SCIMP: variants seen among roughly 807,000 people sequenced by gnomAD.
The protein encoded by SCIMP is SLP adaptor and CSK interacting membrane protein.
In SCIMP, 18 loss-of-function variants were observed where a neutral mutation model predicts 22.0. That is an observed-to-expected ratio of 0.82 (90% confidence interval 0.56 to 1.21). The LOEUF is 1.21. Ranked by LOEUF, SCIMP falls within the 50% of genes most tolerant of loss-of-function variation. The probability of loss-of-function intolerance (pLI) is 0.00; values close to 1 mark genes in which losing one functional copy is unlikely to be tolerated. For synonymous variants in SCIMP, 53 were observed against 62.2 expected, an observed-to-expected ratio of 0.85 and a Z score of 0.70; for missense variants, 155 against 171.2, an observed-to-expected ratio of 0.91 and a Z score of 0.53.
chr17:5,230,540 G>T (rs1243054658), intron 1 of SCIMP, among the ~76,000 whole-genome samples: 2 of 152,190 alleles, frequency 1.3e-5, no homozygotes, highest in Non-Finnish European at 2.9e-5. Context: ...TGGTGCAAAG[G>T]TGGGAGTGAA....
rs1272919870 is a variant in SCIMP, at chr17:5,214,881, T to A, written c.283+44A>T. On this transcript the variant is annotated intron_variant, in intron 4 of 4. Coordinates refer to ENST00000574081, the MANE Select transcript of SCIMP (RefSeq NM_207103.3). Reference sequence around the variant, plus strand: ...AAAAAAAGACACCTTGATAAACTCGTTATCTTACCCTAAATGAAACTGCTA... The same window carrying A: ...AAAAAAAGACACCTTGATAAACTCGATATCTTACCCTAAATGAAACTGCTA... 1.3e-5 allele frequency: 13 copies of A among 984,806 alleles called. No homozygotes were observed. The Admixed American group carries it at 2.7e-4, about 20-fold the overall frequency. 61.0% of individuals were successfully genotyped at this position (984,806 alleles called of 1,614,324 possible).
In SCIMP at chr17:5,209,245, C is replaced by T. The variant is rs1013485949; in HGVS notation, c.*1556G>A. 1.2e-4 allele frequency: 18 copies of T among 152,328 alleles called. No individual in the cohort carries two copies. Among genetic ancestry groups the T allele is most frequent in the African/African-American group, 4.3e-4 (18 of 41,452 alleles). The allele number at this position is 152,328 out of a possible 1,614,324, so 9.4% of individuals were successfully genotyped here. A position where few individuals can be genotyped will look rare whatever the true frequency, so the allele number is the denominator to read the frequency against. On this transcript the variant is annotated 3_prime_UTR_variant, in exon 5 of 5. Coordinates refer to ENST00000574081, the MANE Select transcript of SCIMP (RefSeq NM_207103.3). ...CGCCTCCCAGTTTCAAGCGATTCTTCTGCCTCAGCCTCCCAAGTAGCTGGG... is the reference window on the plus strand; with the variant it reads ...CGCCTCCCAGTTTCAAGCGATTCTTTTGCCTCAGCCTCCCAAGTAGCTGGG...
At chr17:5,233,248 G>A (rs2074716758) in intron 1 of SCIMP, among the ~76,000 whole-genome samples, 1 of 152,038 alleles carries the variant, frequency 6.6e-6, no homozygotes, top group African/African-American at 2.4e-5. Context: ...TCCAAATGTA[G>A]TCCAAGTCCT....
At chr17:5,216,679 C>T (rs1200461981) in intron 3 of SCIMP, among the ~76,000 whole-genome samples, 1 of 151,662 alleles carries the variant, frequency 6.6e-6, no homozygotes, top group Non-Finnish European at 1.5e-5. Flanking sequence ...AACAAAAAAA[C>T]AAAAAACAAA....
chr17:5,225,762 G>GA (rs140142974), intron 1 of SCIMP, among the ~76,000 whole-genome samples: 12,395 of 126,724 alleles, frequency 0.098, 667 homozygotes, highest in Admixed American at 0.21. Flanking sequence ...GATTCCATCT[G>GA]AAAAAAAAAA....
intron 1 of SCIMP, among the ~76,000 whole-genome samples, chr17:5,228,980 T>C (rs2074673084): frequency 6.6e-6 from 1 of 152,058 alleles, no homozygotes; most frequent in Non-Finnish European, 1.5e-5. Context: ...ATTACTGTGC[T>C]GTGCAGTCTA....
At chr17:5,228,103 C>T (rs375062197) in intron 1 of SCIMP, among the ~76,000 whole-genome samples, 24 of 151,726 alleles carry the variant, frequency 1.6e-4, no homozygotes, top group Non-Finnish European at 1.5e-5. Context: ...CACTGGGAGG[C>T]GGAGGTTGTG....
rs1386236627 is a variant in SCIMP, at chr17:5,234,768, A to G, written c.-13T>C. 6.2e-7 allele frequency: 1 copy of G among 1,609,268 alleles called. No homozygotes were observed. The highest frequency in any genetic ancestry group is 2.2e-5 in the East Asian group (1 of 44,784). On this transcript the variant is annotated 5_prime_UTR_variant, in exon 1 of 5. Coordinates refer to ENST00000574081, the MANE Select transcript of SCIMP (RefSeq NM_207103.3). Reference sequence around the variant, plus strand: ...TGAAAGTATCCATATGTGAGCAGCTAAGGAGACAGCAGTGGCTGGAGTGCT... The same window carrying G: ...TGAAAGTATCCATATGTGAGCAGCTGAGGAGACAGCAGTGGCTGGAGTGCT...
intron 2 of SCIMP, among the ~76,000 whole-genome samples, chr17:5,221,971 G>A (rs187416165): frequency 5.6e-4 from 85 of 151,462 alleles, no homozygotes; most frequent in African/African-American, 1.9e-3. Flanking sequence ...TGGGGGTTTC[G>A]CCATGTTGGC....
At chr17:5,228,185 A>T (rs28411826) in intron 1 of SCIMP, among the ~76,000 whole-genome samples, 22 of 151,952 alleles carry the variant, frequency 1.4e-4, no homozygotes, top group Non-Finnish European at 2.5e-4. Context: ...ACAAAATTTT[A>T]AAAATGAAAA....
At chr17:5,219,155 T>C (rs1472979635) in intron 3 of SCIMP, among the ~76,000 whole-genome samples, 1 of 151,440 alleles carries the variant, frequency 6.6e-6, no homozygotes, top group African/African-American at 2.4e-5. Flanking sequence ...CCGTCTCTAC[T>C]AAAAATACAA....
intron 1 of SCIMP, among the ~76,000 whole-genome samples, chr17:5,230,106 C>G (rs965085779): frequency 6.6e-6 from 1 of 152,122 alleles, no homozygotes; most frequent in African/African-American, 2.4e-5. Flanking sequence ...GGATTACAGG[C>G]ATGAGCCACT....
chr17:5,227,292 AACACACACACAC>A (rs10681110), intron 1 of SCIMP, among the ~76,000 whole-genome samples: 4 of 144,326 alleles, frequency 2.8e-5, no homozygotes, highest in Non-Finnish European at 4.5e-5. Context: ...ACACACACAC[AACACACACACAC>A]ACACACACAC....
intron 3 of SCIMP, among the ~76,000 whole-genome samples, chr17:5,216,491 C>A (rs746438283): frequency 2.4e-4 from 37 of 152,164 alleles, no homozygotes; most frequent in Admixed American, 4.6e-4. Context: ...CATGATGAAA[C>A]CCAGTCTCTA....
chr17:5,226,178 G>A (rs865993518), intron 1 of SCIMP, among the ~76,000 whole-genome samples: 1 of 152,150 alleles, frequency 6.6e-6, no homozygotes, highest in African/African-American at 2.4e-5. Flanking sequence ...GTGGAAGGTC[G>A]AGGCGGGAAG....
intron 1 of SCIMP, among the ~76,000 whole-genome samples, chr17:5,234,279 A>T (rs901310119): frequency 1.3e-5 from 2 of 152,064 alleles, no homozygotes; most frequent in Non-Finnish European, 2.9e-5. Context: ...CTCAAAATAA[A>T]ATAAAAATAA....
chr17:5,229,657 A>C (rs1024322682), intron 1 of SCIMP, among the ~76,000 whole-genome samples: 3 of 151,970 alleles, frequency 2.0e-5, no homozygotes, highest in Non-Finnish European at 4.4e-5. Flanking sequence ...TGGCCTCCCA[A>C]AGTGCTGGGA....
intron 2 of SCIMP, 89 bp from the exon 3 acceptor site, chr17:5,221,439 C>T: frequency 1.0e-6 from 1 of 970,066 alleles, no homozygotes; most frequent in South Asian, 1.3e-5. Context: ...CTTAGGGACA[C>T]AGTTAATAAA....
At chr17:5,221,535 T>C (rs1028440548) in intron 2 of SCIMP, among the ~76,000 whole-genome samples, 185 bp from the exon 3 acceptor site, 1 of 152,150 alleles carries the variant, frequency 6.6e-6, no homozygotes, top group Non-Finnish European at 1.5e-5. Context: ...ATGGGTGGTG[T>C]TTATTTTCTC....
Sources: allele counts gnomAD v4.1 joint callset (sites outside exome capture counted in the v4.1 genomes callset), GRCh38; gene constraint gnomAD v4.1.1; transcripts MANE v1.5; gene names NCBI Gene and HGNC (gene_info 2026-07-23, HGNC 2026-07-21).